MRAP2: variants seen among roughly 807,000 people sequenced by gnomAD.
MRAP2 encodes the protein melanocortin-2 receptor accessory protein 2.
In MRAP2, 20 loss-of-function variants were observed where a neutral mutation model predicts 17.4. The ratio of observed to expected loss-of-function variants is 1.15; its 90% CI spans 0.81 to 1.67. The LOEUF is 1.67. Ranked by LOEUF, MRAP2 falls within the 40% of genes most tolerant of loss-of-function variation. The pLI is 0.00. For synonymous variants in MRAP2, 96 were observed against 88.4 expected (o/e 1.09, Z -0.48); for missense variants, 238 against 240.0 (o/e 0.99, Z 0.05).
At chr6:84,041,476 T>A (rs2099487559) in intron 1 of MRAP2, among the ~76,000 whole-genome samples, 1 of 152,166 alleles carries the variant, frequency 6.6e-6, no homozygotes, top group Non-Finnish European at 1.5e-5. Context: ...GAATGGTGGA[T>A]CCACTGATAG....
chr6:84,043,287 A>C (rs1218129417), intron 1 of MRAP2, among the ~76,000 whole-genome samples: 2 of 152,350 alleles, frequency 1.3e-5, no homozygotes, highest in South Asian at 4.1e-4. Context: ...TGAGAGGCCA[A>C]GTCTAGTCTT....
chr6:84,062,279 A>G (rs2099493352), intron 2 of MRAP2: 1 of 241,572 alleles, frequency 4.1e-6, no homozygotes, highest in Admixed American at 6.5e-5. Flanking sequence ...CACTTCAGGC[A>G]CTCCCAGGCA....
chr6:84,065,198 T>C (rs2099494342), intron 3 of MRAP2, among the ~76,000 whole-genome samples: 1 of 151,662 alleles, frequency 6.6e-6, no homozygotes, highest in South Asian at 2.1e-4. Context: ...GGTGGGAGGA[T>C]CACTTGAACC....
chr6:84,126,555 G>C, the MRAP2 span: 1 of 1,314,600 alleles, frequency 7.6e-7, no homozygotes, highest in South Asian at 1.5e-5. Flanking sequence ...ATAATCACAA[G>C]AATTTAACAG....
chr6:84,052,910 C>A, intron 1 of MRAP2: 1 of 409,370 alleles, frequency 2.4e-6, no homozygotes, highest in Non-Finnish European at 3.3e-6. Flanking sequence ...AGTAATCCAT[C>A]CCTAAATAGT....
chr6:84,120,236 G>A, the MRAP2 span, among the ~76,000 whole-genome samples: 1 of 152,174 alleles, frequency 6.6e-6, no homozygotes, highest in African/African-American at 2.4e-5. Context: ...CCATTTGGAT[G>A]GTGCCTGTCC....
In MRAP2 at chr6:84,084,908, AT is replaced by A. The variant is rs57979881; in HGVS notation, c.228-4179del. ...ATTTTATTTTATTTTATTTTATTTT[AT>A]TTTATTTATTTATTTTATTTTACTT... is the stretch of plus-strand genomic sequence containing the variant. On this transcript the variant is annotated intron_variant, in intron 3 of 3. Transcript: ENST00000257776. 5.3e-3 allele frequency among the ~76,000 whole-genome samples: 544 copies of A among 102,920 alleles called. 4 individuals are homozygous for A. The highest frequency in any genetic ancestry group is 0.017 in the African/African-American group (377 of 22,584). 67.5% of individuals were successfully genotyped at this position (102,920 alleles called of 152,430 possible). A position where few individuals can be genotyped will look rare whatever the true frequency, so the allele number is the denominator to read the frequency against.
At chr6:84,060,251 C>T (rs572659683) in intron 2 of MRAP2, among the ~76,000 whole-genome samples, 14 of 152,304 alleles carry the variant, frequency 9.2e-5, no homozygotes, top group African/African-American at 3.4e-4. Context: ...CCAACTCTGC[C>T]GCCACCTGCC....
At chr6:84,045,224 A>T in intron 1 of MRAP2, 5 of 985,400 alleles carry the variant, frequency 5.1e-6, no homozygotes, top group Non-Finnish European at 6.0e-6. Context: ...ATGAATGATG[A>T]TAGTGACGCT....
At chr6:84,054,064 A>C (rs1190198440) in intron 1 of MRAP2, among the ~76,000 whole-genome samples, 3 of 152,128 alleles carry the variant, frequency 2.0e-5, no homozygotes, top group Admixed American at 2.0e-4. Flanking sequence ...GAAACCTCAG[A>C]AAGCTCTTGA....
chr6:84,076,870 G>C (rs2129172443), intron 3 of MRAP2, among the ~76,000 whole-genome samples: 1 of 152,326 alleles, frequency 6.6e-6, no homozygotes, highest in African/African-American at 2.4e-5. Flanking sequence ...AGCATTACTT[G>C]TGTTGTCCCT....
chr6:84,074,582 T>C (rs1038565485), intron 3 of MRAP2, among the ~76,000 whole-genome samples: 4 of 152,198 alleles, frequency 2.6e-5, no homozygotes, highest in African/African-American at 9.6e-5. Flanking sequence ...TTCCCTTTGA[T>C]AGTAGTAATC....
At chr6:84,088,938 A>G (rs1047548682) in intron 3 of MRAP2, among the ~76,000 whole-genome samples, 153 bp from the exon 4 acceptor site, 5 of 152,128 alleles carry the variant, frequency 3.3e-5, no homozygotes, top group African/African-American at 1.2e-4. Context: ...GATTTCTCTT[A>G]TTTCTCATGT....
At chr6:84,092,376 C>A (rs902965766), downstream of MRAP2, among the ~76,000 whole-genome samples, 7 of 152,260 alleles carry the variant, frequency 4.6e-5, no homozygotes, top group East Asian at 1.2e-3. Context: ...AATACATACA[C>A]CCCATCCCAA....
chr6:84,088,038 A>G (rs553115297), intron 3 of MRAP2, among the ~76,000 whole-genome samples: 2 of 152,192 alleles, frequency 1.3e-5, no homozygotes, highest in African/African-American at 4.8e-5. Context: ...AAATTCTTAC[A>G]GAATTTGGTC....
chr6:84,122,352 C>CAAAAAAAAAA, the MRAP2 span, among the ~76,000 whole-genome samples: 6 of 36,150 alleles, frequency 1.7e-4, no homozygotes, highest in Admixed American at 3.3e-4. Context: ...ACAGCACATC[C>CAAAAAAAAAA]AAAAAAAAAA....
chr6:84,075,770 A>C (rs2099497437), intron 3 of MRAP2, among the ~76,000 whole-genome samples: 1 of 152,296 alleles, frequency 6.6e-6, no homozygotes, highest in Non-Finnish European at 1.5e-5. Flanking sequence ...GGGCCAGTGC[A>C]GGATTGCTCA....
intron 3 of MRAP2, among the ~76,000 whole-genome samples, chr6:84,069,519 A>G (rs974460121): frequency 6.6e-6 from 1 of 152,166 alleles, no homozygotes; most frequent in African/African-American, 2.4e-5. Flanking sequence ...GGATTTTAGC[A>G]TCTATGTTCA....
chr6:84,109,321 ATTTG>A, the MRAP2 span, among the ~76,000 whole-genome samples: 3 of 152,052 alleles, frequency 2.0e-5, no homozygotes, highest in Non-Finnish European at 2.9e-5. Context: ...ATGTGTTTCT[ATTTG>A]TTTGTGTCTT....
Sources: gnomAD v4.1 joint callset for allele counts (sites outside exome capture counted in the v4.1 genomes callset) on GRCh38, gnomAD v4.1.1 for gene constraint, MANE v1.5 for transcripts, NCBI Gene and HGNC (gene_info 2026-07-23, HGNC 2026-07-21) for gene names.